The following ITSN1 variants were observed in gnomAD, a reference collection of about 807,000 sequenced individuals.
ITSN1 encodes the protein intersectin-1.
Under a neutral mutation model 239.8 loss-of-function variants are expected in ITSN1, and 58 were observed. The observed-to-expected ratio is 0.24, with a 90% CI of 0.20 to 0.30. The LOEUF is 0.30. Among genes scored for constraint, ITSN1 ranks in the 10% least tolerant of loss-of-function variants. The pLI is 1.00. For missense variants in ITSN1, 1,558 were observed against 2,103.3 expected (o/e 0.74, Z 5.07); for synonymous variants, 780 against 770.8 (o/e 1.01, Z -0.20).
chr21:33,838,455 A>G, intron 29 of ITSN1: 1 of 982,656 alleles, frequency 1.0e-6, no homozygotes, highest in Non-Finnish European at 1.2e-6. Flanking sequence ...AACCTTTTGA[A>G]TTAGTTCCGT....
chr21:33,817,649 T>G, intron 22 of ITSN1: 1 of 1,221,740 alleles, frequency 8.2e-7, no homozygotes, highest in Non-Finnish European at 1.0e-6. Flanking sequence ...TTCCCTAAAT[T>G]ATCTGGGGGA....
intron 1 of ITSN1, among the ~76,000 whole-genome samples, chr21:33,671,549 GC>G (rs1601551536): frequency 6.6e-6 from 1 of 152,052 alleles, no homozygotes; most frequent in Non-Finnish European, 1.5e-5. Context: ...GAGCCGCTGT[GC>G]CCGGCCTGTT....
At chr21:33,868,205 C>T (rs1307541472) in intron 33 of ITSN1, among the ~76,000 whole-genome samples, 4 of 152,284 alleles carry the variant, frequency 2.6e-5, no homozygotes, top group East Asian at 3.9e-4. Flanking sequence ...CTGAGCTAGA[C>T]ATAAAGATTC....
In ITSN1 at chr21:33,657,835, A is replaced by T. The variant is rs1235786082; in HGVS notation, c.-33+15122A>T. Among the ~76,000 whole-genome samples, 4 of 152,240 alleles carry T rather than the reference A, an allele frequency of 2.6e-5. No individual in the cohort carries two copies. In the East Asian group the frequency reaches 7.7e-4, roughly 29 times the overall value. On this transcript the variant is annotated intron_variant, in intron 1 of 39. Transcript: ENST00000381318. ...CTCCCATCTCTACAAAAATTTTAAA[A>T]ATCAGCTGGGCATGGTGGTGTACTC... is the stretch of plus-strand genomic sequence containing the variant.
chr21:33,737,008 G>C (rs887425448), intron 5 of ITSN1, among the ~76,000 whole-genome samples: 1 of 152,040 alleles, frequency 6.6e-6, no homozygotes, highest in African/African-American at 2.4e-5. Context: ...AAAAAACAAC[G>C]GTATTTGGTT....
At chr21:33,718,991 A>T in intron 2 of ITSN1, 135 bp downstream of exon 2, 1 of 707,044 alleles carries the variant, frequency 1.4e-6, no homozygotes, top group Non-Finnish European at 2.4e-6. Context: ...ATATAGTTTC[A>T]TTAATTATCA....
intron 1 of ITSN1, among the ~76,000 whole-genome samples, chr21:33,648,226 G>A (rs1238496355): frequency 2.0e-5 from 3 of 152,214 alleles, no homozygotes; most frequent in Non-Finnish European, 4.4e-5. Flanking sequence ...ATGGGTAATA[G>A]TGATAGCTAA....
rs2067159871 is a variant in ITSN1, at chr21:33,746,062, T to C, written c.347-4081T>C. On this transcript the variant is annotated intron_variant, in intron 5 of 39. Transcript: ENST00000381318. ...TCCCATCATTGGCTGACTACTGTGC[T>C]ACAAAGATGCAGGTGCAATCCGTAA... Among the ~76,000 whole-genome samples, 5 of 152,280 alleles carry C rather than the reference T, an allele frequency of 3.3e-5. No homozygotes were observed. The South Asian group carries it at 1.0e-3, about 32-fold the overall frequency.
At position 33,834,435 on chromosome 21, in the gene ITSN1, T is replaced by G. The variant is rs1391765517; in HGVS notation, c.3469+11T>G. 1.9e-6 allele frequency: 3 copies of G among 1,567,350 alleles called. No homozygotes were observed. Among genetic ancestry groups the G allele is most frequent in the Non-Finnish European group, 2.6e-6 (3 of 1,141,626 alleles). On this transcript the variant is annotated intron_variant, in intron 28 of 39. Transcript: ENST00000381318. The stretch of plus-strand genomic sequence containing the variant: ...CAGCATTAGCGGCAGGTAAGGAGTT[T>G]CGCATCTCTAACTGGAAGATGGTCT...
intron 4 of ITSN1, among the ~76,000 whole-genome samples, chr21:33,731,382 T>A (rs1431680189): frequency 6.6e-6 from 1 of 152,222 alleles, no homozygotes; most frequent in Non-Finnish European, 1.5e-5. Flanking sequence ...TTTTTATTAA[T>A]GGGAACTCTT....
intron 23 of ITSN1, among the ~76,000 whole-genome samples, chr21:33,818,980 TCA>T (rs894806796): frequency 1.8e-4 from 28 of 152,240 alleles, no homozygotes; most frequent in Non-Finnish European, 4.0e-4. Flanking sequence ...TGAGCATCTC[TCA>T]GTCAGTCATG....
chr21:33,764,761 A>G (rs1217588425), intron 9 of ITSN1, among the ~76,000 whole-genome samples: 1 of 152,196 alleles, frequency 6.6e-6, no homozygotes, highest in Admixed American at 6.5e-5. Flanking sequence ...TGTCCTGTTG[A>G]CATTCTAGTG....
At chr21:33,648,515 C>T (rs1406659702) in intron 1 of ITSN1, among the ~76,000 whole-genome samples, 1 of 152,120 alleles carries the variant, frequency 6.6e-6, no homozygotes, top group Non-Finnish European at 1.5e-5. Flanking sequence ...AAATTTGAAT[C>T]CCTTTCACTG....
At chr21:33,717,092 A>C (rs998420744) in intron 1 of ITSN1, among the ~76,000 whole-genome samples, 1 of 152,186 alleles carries the variant, frequency 6.6e-6, no homozygotes, top group Non-Finnish European at 1.5e-5. Flanking sequence ...TCTGTGGACA[A>C]ATTGGAAGAT....
rs559464846 is a variant in ITSN1, at chr21:33,788,732, C to CAAAT, written c.1825-5596_1825-5593dup. Among the ~76,000 whole-genome samples, 25 of 152,204 alleles carry CAAAT rather than the reference C, an allele frequency of 1.6e-4. No homozygotes were observed. The South Asian group carries it at 5.0e-3, about 30-fold the overall frequency. On this transcript the variant is annotated intron_variant, in intron 16 of 39. Coordinates refer to ENST00000381318, the MANE Select transcript of ITSN1 (RefSeq NM_003024.3). ...TGGGCAACAGAGCAAGACTCCATCT[C>CAAAT]AAATAAATAAATAAATGAATAACCA...
chr21:33,761,848 C>T (rs536720012), intron 8 of ITSN1, 75 bp from the exon 9 acceptor site: 7 of 1,066,884 alleles, frequency 6.6e-6, no homozygotes, highest in Middle Eastern at 2.0e-4. Context: ...AGTCCACATA[C>T]GCAGAACCCT....
intron 34 of ITSN1, among the ~76,000 whole-genome samples, chr21:33,880,720 T>C (rs1484285110): frequency 6.6e-6 from 1 of 151,800 alleles, no homozygotes; most frequent in African/African-American, 2.4e-5. Context: ...CAGAGAGGGG[T>C]CCATAGGGCT....
intron 1 of ITSN1, among the ~76,000 whole-genome samples, chr21:33,686,582 C>T (rs539337780): frequency 1.8e-4 from 28 of 152,292 alleles, no homozygotes; most frequent in African/African-American, 6.5e-4. Flanking sequence ...TTACTGTTTA[C>T]AGTGACATGT....
At chr21:33,846,367 T>A (rs896065103) in intron 29 of ITSN1, among the ~76,000 whole-genome samples, 2 of 152,336 alleles carry the variant, frequency 1.3e-5, no homozygotes, top group Admixed American at 1.3e-4. Context: ...GATGACTAGA[T>A]AGAAAGGCTG....
Sources: gnomAD v4.1 joint callset for allele counts (sites outside exome capture counted in the v4.1 genomes callset) on GRCh38, gnomAD v4.1.1 for gene constraint, MANE v1.5 for transcripts, NCBI Gene and HGNC (gene_info 2026-07-23, HGNC 2026-07-21) for gene names.